Variants in SESN1 observed in about 807,000 individuals in gnomAD.
The protein encoded by SESN1 is sestrin-1.
A neutral mutation model predicts 59.3 loss-of-function variants in SESN1; 30 were observed. The ratio of observed to expected loss-of-function variants is 0.51; its 90% confidence interval spans 0.38 to 0.69. SESN1 has a LOEUF of 0.69. SESN1 is among the 30% of genes least tolerant of loss of function. SESN1 has a pLI of 0.00. For synonymous variants in SESN1, 197 were observed against 219.9 expected (o/e 0.90, Z 0.92); for missense variants, 566 against 673.0 (o/e 0.84, Z 1.76).
At chr6:109,035,438 G>T (rs2058976825) in intron 1 of SESN1, among the ~76,000 whole-genome samples, 1 of 152,000 alleles carries the variant, frequency 6.6e-6, no homozygotes, top group African/African-American at 2.4e-5. Context: ...AAGGTCGGGA[G>T]AAAGCTGACA....
rs57225616 is a variant in SESN1 at position 109,027,476 on chromosome 6, C to CAAA, written c.280-25136_280-25134dup. ...TGGGCGACAGAGGGAGACTCTGTCT[C>CAAA]AAAAAAAAAAAAAAAAAAAAAAAAA... is the stretch of plus-strand genomic sequence containing the variant. On this transcript the variant is annotated intron_variant, in intron 1 of 9. Transcript: ENST00000436639. 8.8e-3 allele frequency among the ~76,000 whole-genome samples: 240 copies of CAAA among 27,310 alleles called. 25 individuals are homozygous for CAAA. The highest frequency in any genetic ancestry group is 0.026 in the African/African-American group (213 of 8,118). 17.9% of individuals were successfully genotyped at this position (27,310 alleles called of 152,430 possible). A position where few individuals can be genotyped will look rare whatever the true frequency, so the allele number is the denominator to read the frequency against.
intron 1 of SESN1, among the ~76,000 whole-genome samples, chr6:109,028,413 G>C (rs1487913585): frequency 6.6e-6 from 1 of 152,062 alleles, no homozygotes; most frequent in Admixed American, 6.5e-5. Flanking sequence ...CTAATTTGTT[G>C]TTGTTGTTAT....
In SESN1 at chr6:109,062,556, G is replaced by A. The variant is rs78242168; in HGVS notation, c.279+31239C>T. ...CCATGTAAAAACATTTATCTTTAAC[G>A]AAAACACTATGAGAAGTCATATATA... On this transcript the variant is annotated intron_variant, in intron 1 of 9. Transcript: ENST00000436639. Among the ~76,000 whole-genome samples, 1,242 of 152,216 alleles carry A rather than the reference G, an allele frequency of 8.2e-3. 21 individuals are homozygous for A. Among genetic ancestry groups the A allele is most frequent in the African/African-American group, 0.028 (1,154 of 41,544 alleles).
At chr6:109,072,043 G>A (rs1780944317) in intron 1 of SESN1, among the ~76,000 whole-genome samples, 1 of 152,116 alleles carries the variant, frequency 6.6e-6, no homozygotes, top group Non-Finnish European at 1.5e-5. Context: ...TCCTCAATTT[G>A]AGAATGCTTA....
chr6:109,001,472 C>T lies in SESN1; in HGVS notation c.362G>A (p.Ser121Asn), dbSNP rs1375852932. Residue 121 changes from serine to asparagine, a missense_variant, in exon 3 of 10, where the codon AGT (serine) becomes AAT (asparagine). Physicochemically the swap from Ser to Asn is conservative, Grantham distance 46. Coordinates refer to ENST00000436639, the MANE Select transcript of SESN1 (RefSeq NM_014454.3). ...IPEKEILQVG[S>N]EDAQMHALFA... is the part of the protein sequence containing the mutation. ...TAAAGCATGCATCTGTGCGTCTTCA[C>T]TCCCCACTTGGAGGATCTGTATAAA... The T allele has an allele frequency of 3.7e-5, 59 of 1,612,980 alleles. No individual in the cohort carries two copies. The highest frequency in any genetic ancestry group is 4.8e-5 in the Non-Finnish European group (57 of 1,179,508).
chr6:108,986,143 GTTCTGTAGTC>G lies in SESN1; in HGVS notation c.*1391_*1400del, dbSNP rs1323699082. On this transcript the variant is annotated 3_prime_UTR_variant, in exon 10 of 10. Transcript: ENST00000436639. ...ACTTGTCTGATGAGTGTCATTTTTT[GTTCTGTAGTC>G]TCTCCCTAATGAATCCTTCTTTTTA... Among the ~76,000 whole-genome samples the G allele has an allele frequency of 6.6e-6, 1 of 152,102 alleles. No homozygotes were observed. Among genetic ancestry groups the G allele is most frequent in the African/African-American group, 2.4e-5 (1 of 41,424 alleles).
At chr6:109,070,785 A>G (rs1434256755) in intron 1 of SESN1, among the ~76,000 whole-genome samples, 1 of 152,242 alleles carries the variant, frequency 6.6e-6, no homozygotes, top group Non-Finnish European at 1.5e-5. Flanking sequence ...TTCAAACTAT[A>G]ACATTCATTA....
At chr6:109,020,081 G>A (rs1029270688) in intron 1 of SESN1, among the ~76,000 whole-genome samples, 3 of 152,088 alleles carry the variant, frequency 2.0e-5, no homozygotes, top group Non-Finnish European at 4.4e-5. Flanking sequence ...CTTTCCCTAA[G>A]AACAAAAACA....
At chr6:109,073,384 T>C (rs567125354) in intron 1 of SESN1, among the ~76,000 whole-genome samples, 14 of 152,198 alleles carry the variant, frequency 9.2e-5, no homozygotes, top group Non-Finnish European at 1.9e-4. Flanking sequence ...ATTTTCTCAA[T>C]AGATGGAAAC....
chr6:109,070,273 C>A (rs1018682174), intron 1 of SESN1, among the ~76,000 whole-genome samples: 2 of 152,186 alleles, frequency 1.3e-5, no homozygotes, highest in Non-Finnish European at 2.9e-5. Flanking sequence ...AGGACTAGGG[C>A]ATGTGCCCAC....
intron 6 of SESN1, 59 bp downstream of exon 6, chr6:108,994,403 C>A: frequency 2.9e-6 from 4 of 1,383,796 alleles, no homozygotes; most frequent in Non-Finnish European, 4.0e-6. Context: ...TATTTAAATT[C>A]TCTAAATAAA....
chr6:109,018,419 C>G (rs1006134638), intron 1 of SESN1, among the ~76,000 whole-genome samples: 1 of 152,146 alleles, frequency 6.6e-6, no homozygotes, highest in Admixed American at 6.6e-5. Context: ...AAAATTAATG[C>G]GTGTCTACAT....
At position 109,002,280 on chromosome 6, in the gene SESN1, C is replaced by T. The variant is rs369021558; in HGVS notation, c.343G>A (p.Glu115Lys). The change falls in exon 2 of 10, where the codon GAG becomes AAG. Residue 115 changes from glutamate to lysine, a missense_variant and splice_region_variant. By Grantham distance (56) the Glu-to-Lys change is moderately conservative (BLOSUM62 1). Coordinates refer to ENST00000436639, the MANE Select transcript of SESN1 (RefSeq NM_014454.3). ...ATGTACTTTCACAAACAACGTACCTCCTTTTCTGGGATGAATCTGCTTGGT... is the reference window on the plus strand; with the variant it reads ...ATGTACTTTCACAAACAACGTACCTTCTTTTCTGGGATGAATCTGCTTGGT... Reference protein sequence around the residue: ...QGPSRFIPEKEILQVGSEDAQ... With the variant: ...QGPSRFIPEKKILQVGSEDAQ... 2 of 1,612,966 alleles carry T rather than the reference C, an allele frequency of 1.2e-6. No individual in the cohort carries two copies. Among genetic ancestry groups the T allele is most frequent in the Non-Finnish European group, 1.7e-6 (2 of 1,179,134 alleles).
At chr6:109,066,883 G>GTAAGTCACAA (rs11281315) in intron 1 of SESN1, among the ~76,000 whole-genome samples, 5 of 151,962 alleles carry the variant, frequency 3.3e-5, no homozygotes, top group African/African-American at 1.2e-4. Flanking sequence ...TACAGCAAAC[G>GTAAGTCACAA]TTGAAGTAAC....
At chr6:109,067,452 A>G (rs1780852909) in intron 1 of SESN1, among the ~76,000 whole-genome samples, 1 of 152,230 alleles carries the variant, frequency 6.6e-6, no homozygotes, top group Non-Finnish European at 1.5e-5. Context: ...ACTGAACGCT[A>G]AGTAAGATAA....
intron 8 of SESN1, among the ~76,000 whole-genome samples, chr6:108,990,130 A>G (rs1779337877): frequency 6.6e-6 from 1 of 152,254 alleles, no homozygotes; most frequent in African/African-American, 2.4e-5. Flanking sequence ...AAGGTGGTAT[A>G]CAATGACTGC....
chr6:109,072,195 T>C lies in SESN1; in HGVS notation c.279+21600A>G, dbSNP rs560993826. Among the ~76,000 whole-genome samples the C allele has an allele frequency of 9.0e-4, 137 of 152,354 alleles. 1 individual carries two copies. The highest frequency in any genetic ancestry group is 3.3e-3 in the African/African-American group (137 of 41,588). On this transcript the variant is annotated intron_variant, in intron 1 of 9. Coordinates refer to ENST00000436639, the MANE Select transcript of SESN1 (RefSeq NM_014454.3). ...TATTAGCATTTCAAAAATACAGCTT[T>C]ATCCTCTAACACAGTTCTGCAGCAA... is the stretch of plus-strand genomic sequence containing the variant.
chr6:109,081,555 C>G (rs979826412), intron 1 of SESN1, among the ~76,000 whole-genome samples: 2 of 152,152 alleles, frequency 1.3e-5, no homozygotes, highest in Non-Finnish European at 2.9e-5. Context: ...GTGTGGCATA[C>G]AGAATGCCTT....
chr6:109,027,549 G>A (rs185967693), intron 1 of SESN1, among the ~76,000 whole-genome samples: 1 of 147,636 alleles, frequency 6.8e-6, no homozygotes, highest in Non-Finnish European at 1.5e-5. Context: ...AAACATTTTA[G>A]TCAATCTAAT....
Sources: gnomAD v4.1 joint callset for allele counts (sites outside exome capture counted in the v4.1 genomes callset) on GRCh38, gnomAD v4.1.1 for gene constraint, MANE v1.5 for transcripts, NCBI Gene and HGNC (gene_info 2026-07-23, HGNC 2026-07-21) for gene names.